Variants in GOLGA5 observed in about 807,000 individuals in gnomAD.
The protein encoded by GOLGA5 is golgin subfamily A member 5.
In GOLGA5, 50 loss-of-function variants were observed where a neutral mutation model predicts 93.5. That is an observed-to-expected ratio of 0.53 (90% CI 0.43 to 0.68). The LOEUF (loss-of-function observed/expected upper bound fraction) is 0.68. Among genes scored for constraint, GOLGA5 ranks in the 30% least tolerant of loss-of-function variants. The pLI, the probability that GOLGA5 is intolerant of heterozygous loss-of-function variation, is 0.00. For synonymous variants in GOLGA5, 312 were observed against 304.5 expected (o/e 1.02, Z -0.26); for missense variants, 760 against 856.4 (o/e 0.89, Z 1.40).
rs553709994 is a variant in GOLGA5, at chr14:92,794,311, C to A, written c.-176C>A. 6.6e-6 allele frequency: 1 copy of A among 152,338 alleles called. No individual in the cohort carries two copies. The highest frequency in any genetic ancestry group is 1.5e-5 in the Non-Finnish European group (1 of 68,112). The allele number at this position is 152,338 out of a possible 1,614,324, so 9.4% of individuals were successfully genotyped here. A position where few individuals can be genotyped will look rare whatever the true frequency, so the allele number is the denominator to read the frequency against. ...ACTCTGTTGTGGGGTCCTCGCTTCC[C>A]TTCCACGTCTCCCGGAAGCGGTAGC... On this transcript the variant is annotated 5_prime_UTR_variant, in exon 1 of 13. Transcript: ENST00000163416.
intron 5 of GOLGA5, 120 bp from the exon 6 acceptor site, chr14:92,811,431 C>A: frequency 1.4e-6 from 1 of 694,278 alleles, no homozygotes; most frequent in Non-Finnish European, 2.5e-6. Flanking sequence ...AATTTTTTCC[C>A]ATCCCTACTA....
chr14:92,819,182 A>C (rs1395127874), intron 7 of GOLGA5, among the ~76,000 whole-genome samples: 2 of 152,088 alleles, frequency 1.3e-5, no homozygotes, highest in Non-Finnish European at 2.9e-5. Flanking sequence ...CTCTGCCGAT[A>C]CTCGTGAAAC....
chr14:92,834,111 T>G (rs1400079737), intron 10 of GOLGA5, among the ~76,000 whole-genome samples: 1 of 151,690 alleles, frequency 6.6e-6, no homozygotes, highest in Non-Finnish European at 1.5e-5. Flanking sequence ...GTGCCTCGCT[T>G]AAATTAATAA....
At chr14:92,808,199 A>G (rs191962808) in intron 3 of GOLGA5, among the ~76,000 whole-genome samples, 7 of 151,992 alleles carry the variant, frequency 4.6e-5, no homozygotes, top group Admixed American at 4.6e-4. Flanking sequence ...GTGAGCCGAG[A>G]TCGTGCCACT....
chr14:92,796,620 T>C (rs1477517178), intron 1 of GOLGA5, among the ~76,000 whole-genome samples: 2 of 152,080 alleles, frequency 1.3e-5, no homozygotes, highest in Admixed American at 1.3e-4. Context: ...GGTTAGGACT[T>C]AAATAAAGGA....
At chr14:92,800,780 C>A (rs1448297179) in intron 2 of GOLGA5, among the ~76,000 whole-genome samples, 1 of 152,138 alleles carries the variant, frequency 6.6e-6, no homozygotes, top group Non-Finnish European at 1.5e-5. Flanking sequence ...TAGTAGAGAT[C>A]TTTAAGTCAA....
intron 9 of GOLGA5, among the ~76,000 whole-genome samples, chr14:92,829,623 T>C (rs1029454863): frequency 6.6e-5 from 10 of 152,214 alleles, no homozygotes; most frequent in Admixed American, 4.6e-4. Context: ...TTCTTACCGA[T>C]GAGCTAAGAA....
chr14:92,817,630 G>A (rs568409417), intron 7 of GOLGA5, among the ~76,000 whole-genome samples: 10 of 152,258 alleles, frequency 6.6e-5, no homozygotes, highest in African/African-American at 2.2e-4. Context: ...GCAGCATAAC[G>A]AGCTTCCTTT....
At chr14:92,802,618 T>A (rs150770698) in intron 2 of GOLGA5, among the ~76,000 whole-genome samples, 482 of 152,088 alleles carry the variant, frequency 3.2e-3, no homozygotes, top group Middle Eastern at 0.014. Context: ...GAAGTTCCCA[T>A]AAATGTCTAG....
chr14:92,820,685 C>T (rs959264270), intron 8 of GOLGA5, among the ~76,000 whole-genome samples: 2 of 152,206 alleles, frequency 1.3e-5, no homozygotes, highest in East Asian at 1.9e-4. Context: ...TGCAGCTTTC[C>T]GCAGTGCATT....
At chr14:92,820,389 G>A (rs1885292502) in intron 8 of GOLGA5, among the ~76,000 whole-genome samples, 1 of 152,198 alleles carries the variant, frequency 6.6e-6, no homozygotes, top group Non-Finnish European at 1.5e-5. Flanking sequence ...AACATGTCTC[G>A]CCTCCAGTCA....
In GOLGA5 at chr14:92,835,663, A is replaced by C; in HGVS notation, c.2050A>C (p.Ser684Arg). The C allele has an allele frequency of 6.3e-7, 1 of 1,589,840 alleles. No homozygotes were observed. Among genetic ancestry groups the C allele is most frequent in the Non-Finnish European group, 8.6e-7 (1 of 1,158,084 alleles). The change falls in exon 11 of 13, where the codon AGT becomes CGT. Residue 684 changes from serine to arginine, a missense_variant and splice_region_variant. Transcript: ENST00000163416. ...AGCTGCTAGTTCAATTGATCAGTTT[A>C]GGTAAGCAATGCCAGTAGGGATGAG... ...RKAASSIDQF[S>R]IRLGIFLRRY...
intron 8 of GOLGA5, among the ~76,000 whole-genome samples, chr14:92,824,238 TTATC>T (rs1178657874): frequency 6.6e-6 from 1 of 152,216 alleles, no homozygotes; most frequent in Non-Finnish European, 1.5e-5. Flanking sequence ...CTTGAAGAGA[TTATC>T]CATTCTTCCT....
rs1885717002 is a variant in GOLGA5, at chr14:92,839,586, C to T, written c.*140C>T. The T allele has an allele frequency of 1.6e-6, 1 of 615,312 alleles. No individual in the cohort carries two copies. The highest frequency in any genetic ancestry group is 2.9e-6 in the Non-Finnish European group (1 of 346,726). The allele number at this position is 615,312 out of a possible 1,614,324, so 38.1% of individuals were successfully genotyped here. A position where few individuals can be genotyped will look rare whatever the true frequency, so the allele number is the denominator to read the frequency against. On this transcript the variant is annotated 3_prime_UTR_variant, in exon 13 of 13. Coordinates refer to ENST00000163416, the MANE Select transcript of GOLGA5 (RefSeq NM_005113.4). ...GCTTTTAACTTTTTAAGTTATTGTACAAGTATTCTACCTAAATCTTCCAAT... is the reference window on the plus strand; with the variant it reads ...GCTTTTAACTTTTTAAGTTATTGTATAAGTATTCTACCTAAATCTTCCAAT...
chr14:92,824,670 G>A, intron 9 of GOLGA5, 26 bp downstream of exon 9: 1 of 1,170,416 alleles, frequency 8.5e-7, no homozygotes, highest in Non-Finnish European at 1.3e-6. Flanking sequence ...CACAACTTGT[G>A]AAAAGATGCC....
intron 9 of GOLGA5, among the ~76,000 whole-genome samples, chr14:92,828,284 G>T (rs990876877): frequency 1.3e-5 from 2 of 152,200 alleles, no homozygotes; most frequent in African/African-American, 4.8e-5. Flanking sequence ...TTAAGTTAAA[G>T]CCAGTGCTCA....
chr14:92,802,122 T>G (rs1884886371), intron 2 of GOLGA5, among the ~76,000 whole-genome samples: 1 of 152,208 alleles, frequency 6.6e-6, no homozygotes. Context: ...TTGGTGAGAG[T>G]CAGCACTTTT....
chr14:92,810,354 C>G lies in GOLGA5; in HGVS notation c.1093C>G (p.Gln365Glu). The G allele has an allele frequency of 6.2e-7, 1 of 1,603,594 alleles. No homozygotes were observed. Among genetic ancestry groups the G allele is most frequent in the Non-Finnish European group, 8.5e-7 (1 of 1,176,110 alleles). The change falls in exon 5 of 13, where the codon CAG (glutamine) becomes GAG (glutamate). Residue 365 changes from glutamine (Q) to glutamate (E), a missense_variant. By Grantham distance (29) the Gln-to-Glu change is conservative. Coordinates refer to ENST00000163416, the MANE Select transcript of GOLGA5 (RefSeq NM_005113.4). ...HEADATLKRE[Q>E]ESYKQMQSEF... Reference sequence around the variant, plus strand: ...AGCGGATGCCACTCTGAAGAGAGAGCAGGAGAGCTATAAACAGATGCAGGT... The same window carrying G: ...AGCGGATGCCACTCTGAAGAGAGAGGAGGAGAGCTATAAACAGATGCAGGT...
chr14:92,814,097 A>G (rs1022054996), intron 6 of GOLGA5, among the ~76,000 whole-genome samples: 4 of 152,148 alleles, frequency 2.6e-5, no homozygotes, highest in African/African-American at 9.7e-5. Flanking sequence ...AAATTGATGC[A>G]ACATTGAGGT....
Sources: gnomAD v4.1 joint callset for allele counts (sites outside exome capture counted in the v4.1 genomes callset) on GRCh38, gnomAD v4.1.1 for gene constraint, MANE v1.5 for transcripts, NCBI Gene and HGNC (gene_info 2026-07-23, HGNC 2026-07-21) for gene names.